The following AQR variants were observed in gnomAD, a reference collection of about 807,000 sequenced individuals.
The protein encoded by AQR is aquarius intron-binding spliceosomal factor.
Under a neutral mutation model 180.5 loss-of-function variants are expected in AQR, and 61 were observed. That is an observed-to-expected ratio of 0.34 (90% confidence interval 0.28 to 0.42). The LOEUF is 0.42. Ranked by LOEUF, AQR falls within the 10% of genes least tolerant of loss-of-function variation. The pLI is 1.00. For synonymous variants in AQR, 551 were observed against 588.8 expected (o/e 0.94, Z 0.93); for missense variants, 1,281 against 1,798.3 (o/e 0.71, Z 5.20).
chr15:34,968,336 T>C (rs2050323028), intron 1 of AQR, among the ~76,000 whole-genome samples: 1 of 151,192 alleles, frequency 6.6e-6, no homozygotes, highest in African/African-American at 2.4e-5. Flanking sequence ...CACTGCAAGC[T>C]CCGCCTCCCG....
At chr15:34,942,961 A>C (rs1428360034) in intron 6 of AQR, 2 of 1,160,858 alleles carry the variant, frequency 1.7e-6, no homozygotes, top group East Asian at 5.1e-5. Flanking sequence ...TAATACTAAT[A>C]AAATCTTGTT....
At chr15:34,914,807 T>C (rs1019932666) in intron 16 of AQR, among the ~76,000 whole-genome samples, 3 of 152,168 alleles carry the variant, frequency 2.0e-5, no homozygotes, top group African/African-American at 7.2e-5. Flanking sequence ...TTCTCCCTTA[T>C]CCCCAGTCTC....
intron 9 of AQR, among the ~76,000 whole-genome samples, chr15:34,938,023 A>C (rs1174374634): frequency 6.6e-6 from 1 of 151,854 alleles, no homozygotes; most frequent in Non-Finnish European, 1.5e-5. Flanking sequence ...CTTTTAGCTC[A>C]TATCTCAGTA....
At chr15:34,907,002 T>C (rs28617476) in intron 17 of AQR, among the ~76,000 whole-genome samples, 5 of 152,198 alleles carry the variant, frequency 3.3e-5, no homozygotes, top group African/African-American at 4.8e-5. Flanking sequence ...AGCTCCAAAA[T>C]TGGATGTTCG....
chr15:34,962,779 A>T (rs112690481), intron 2 of AQR, among the ~76,000 whole-genome samples: 10,895 of 152,136 alleles, frequency 0.072, 434 homozygotes, highest in Middle Eastern at 0.092. Context: ...CCAAAAAAAA[A>T]AAATAAATAA....
chr15:34,897,821 AAAGG>A, intron 20 of AQR, 116 bp from the exon 21 acceptor site: 1 of 1,118,552 alleles, frequency 8.9e-7, no homozygotes, highest in Non-Finnish European at 1.3e-6. Context: ...TTTCTGGCTT[AAAGG>A]AACGATATCT....
chr15:34,899,785 C>A (rs1163599343), intron 20 of AQR, among the ~76,000 whole-genome samples: 1 of 151,998 alleles, frequency 6.6e-6, no homozygotes, highest in African/African-American at 2.4e-5. Context: ...TACCACTAAT[C>A]CATATGAAGG....
intron 16 of AQR, among the ~76,000 whole-genome samples, chr15:34,912,309 T>G (rs535321602): frequency 1.1e-3 from 171 of 152,112 alleles, no homozygotes; most frequent in African/African-American, 4.0e-3. Context: ...AGAACTTCCC[T>G]TAGCATTTAT....
chr15:34,949,732 G>A (rs1894189597), intron 4 of AQR, among the ~76,000 whole-genome samples: 1 of 150,974 alleles, frequency 6.6e-6, no homozygotes, highest in African/African-American at 2.4e-5. Context: ...CAAAGTGGGT[G>A]GACTGCTTGA....
At chr15:34,916,138 G>A (rs957156960) in intron 15 of AQR, among the ~76,000 whole-genome samples, 7 of 152,116 alleles carry the variant, frequency 4.6e-5, no homozygotes, top group Admixed American at 4.6e-4. Flanking sequence ...ATACTGAAGT[G>A]AATAATGTTA....
chr15:34,910,766 T>C (rs1415618737), intron 16 of AQR, among the ~76,000 whole-genome samples: 1 of 152,250 alleles, frequency 6.6e-6, no homozygotes, highest in African/African-American at 2.4e-5. Context: ...TACACTGTGA[T>C]ATCATTACCA....
At chr15:34,948,164 A>C (rs1235263674) in intron 5 of AQR, 100 bp downstream of exon 5, 20 of 1,330,008 alleles carry the variant, frequency 1.5e-5, no homozygotes, top group Admixed American at 1.3e-4. Context: ...TACTGGGTAA[A>C]GTTCTGCTCT....
At chr15:34,968,401 T>C (rs939939899) in intron 1 of AQR, among the ~76,000 whole-genome samples, 1 of 140,286 alleles carries the variant, frequency 7.1e-6, no homozygotes, top group Non-Finnish European at 1.6e-5. Flanking sequence ...CAAAGGCACC[T>C]GCCACCATGC....
intron 16 of AQR, among the ~76,000 whole-genome samples, chr15:34,914,792 A>G (rs545523571): frequency 9.5e-4 from 144 of 152,056 alleles, no homozygotes; most frequent in South Asian, 1.9e-3. Context: ...GAGCATGACG[A>G]CTTCTTCTCC....
chr15:34,860,773 T>A (rs977741040), intron 33 of AQR, among the ~76,000 whole-genome samples: 2 of 152,212 alleles, frequency 1.3e-5, no homozygotes, highest in Non-Finnish European at 2.9e-5. Flanking sequence ...AGGGTGAATA[T>A]TCAAATGCTC....
At chr15:34,946,436 G>GGGT (rs1894117156) in intron 5 of AQR, among the ~76,000 whole-genome samples, 1 of 142,800 alleles carries the variant, frequency 7.0e-6, no homozygotes, top group Non-Finnish European at 1.6e-5. Flanking sequence ...GAGGTGGGGG[G>GGGT]GGTCAGCCCC....
intron 29 of AQR, chr15:34,874,373 G>A (rs1054759461): frequency 5.9e-6 from 2 of 341,112 alleles, no homozygotes; most frequent in Admixed American, 4.6e-5. Flanking sequence ...TTTATTTTTA[G>A]ATTTTAAAAT....
rs182200936 is a variant in AQR at position 34,967,432 on chromosome 15, A to G, written c.75+2107T>C. On this transcript the variant is annotated intron_variant, in intron 1 of 34. Transcript: ENST00000156471. ...TTCATCTGTCTGGTTCTTCCCTCTA[A>G]AATGTGAGTTCCATGACAGAAGTAA... 5.4e-3 allele frequency among the ~76,000 whole-genome samples: 817 copies of G among 152,272 alleles called. 3 individuals are homozygous for G. Among genetic ancestry groups the G allele is most frequent in the Non-Finnish European group, 8.3e-3 (567 of 68,024 alleles).
At chr15:34,924,260 A>G (rs995074490) in intron 13 of AQR, among the ~76,000 whole-genome samples, 3 of 152,238 alleles carry the variant, frequency 2.0e-5, no homozygotes, top group Admixed American at 1.3e-4. Context: ...AACCAAAACA[A>G]TATCTCACAA....
Sources: gnomAD v4.1 joint callset for allele counts (sites outside exome capture counted in the v4.1 genomes callset) on GRCh38, gnomAD v4.1.1 for gene constraint, MANE v1.5 for transcripts, NCBI Gene and HGNC (gene_info 2026-07-23, HGNC 2026-07-21) for gene names.